AOPEP: variants seen among roughly 807,000 people sequenced by gnomAD.
AOPEP encodes aminopeptidase O.
AOPEP carries 77 observed loss-of-function variants against 98.1 expected under a neutral mutation model. The ratio of observed to expected loss-of-function variants is 0.78; its 90% confidence interval spans 0.65 to 0.95. The LOEUF (loss-of-function observed/expected upper bound fraction) is 0.95, where lower values mean the gene tolerates loss of function less well. AOPEP is among the 40% of genes least tolerant of loss of function. The pLI is 0.00. For missense variants in AOPEP, 1,024 were observed against 1,024.7 expected (o/e 1.00, Z 0.01); for synonymous variants, 346 against 365.3 (o/e 0.95, Z 0.60).
At chr9:94,834,249 G>T (rs900488812) in intron 5 of AOPEP, among the ~76,000 whole-genome samples, 2 of 152,294 alleles carry the variant, frequency 1.3e-5, no homozygotes, top group East Asian at 3.9e-4. Flanking sequence ...GATAAACAAC[G>T]TGGTTTCTTC....
Position 95,086,751 on chromosome 9 carries a change from G to A in AOPEP, c.*74G>A, listed in dbSNP as rs963922204. 2.6e-5 allele frequency: 26 copies of A among 987,930 alleles called. No homozygotes were observed. The highest frequency in any genetic ancestry group is 2.9e-5 in the Non-Finnish European group (24 of 830,214). 61.2% of individuals were successfully genotyped at this position (987,930 alleles called of 1,614,324 possible). The stretch of plus-strand genomic sequence containing the variant: ...GGGGACCAGGCTCGAACTGACCCTG[G>A]ACATCAAAGGAGGGATTATGTGGCT... On this transcript the variant is annotated 3_prime_UTR_variant, in exon 17 of 17. Transcript: ENST00000375315.
chr9:94,947,994 T>A (rs1335840818), intron 7 of AOPEP, among the ~76,000 whole-genome samples: 1 of 152,250 alleles, frequency 6.6e-6, no homozygotes, highest in Non-Finnish European at 1.5e-5. Flanking sequence ...TCCTGCTACA[T>A]GTTGAGTTTA....
chr9:95,113,376 T>A, the AOPEP span, among the ~76,000 whole-genome samples: 1 of 152,064 alleles, frequency 6.6e-6, no homozygotes, highest in African/African-American at 2.4e-5. Flanking sequence ...GCAGGGACAA[T>A]GAATAAAATT....
At chr9:94,920,465 G>C (rs180763089) in intron 5 of AOPEP, 1 of 152,268 alleles carries the variant, frequency 6.6e-6, no homozygotes, top group Non-Finnish European at 1.5e-5. Context: ...CCTGCAGCCT[G>C]CTGGAACCTG....
At chr9:94,901,866 G>A (rs1228149561) in intron 5 of AOPEP, among the ~76,000 whole-genome samples, 3 of 151,932 alleles carry the variant, frequency 2.0e-5, no homozygotes, top group Non-Finnish European at 4.4e-5. Context: ...CTGAGATCGC[G>A]CCACTGCACT....
At chr9:94,981,641 T>C (rs1459635022) in intron 11 of AOPEP, among the ~76,000 whole-genome samples, 2 of 152,174 alleles carry the variant, frequency 1.3e-5, no homozygotes, top group African/African-American at 4.8e-5. Context: ...ACTGAAAGGC[T>C]CTACAAGGAC....
At chr9:95,032,441 C>G (rs1344099959) in intron 13 of AOPEP, among the ~76,000 whole-genome samples, 1 of 152,238 alleles carries the variant, frequency 6.6e-6, no homozygotes, top group African/African-American at 2.4e-5. Flanking sequence ...GTTAAGTAAA[C>G]TCTGCCATTC....
chr9:94,950,947 C>T (rs1247672536), intron 7 of AOPEP, among the ~76,000 whole-genome samples: 5 of 152,120 alleles, frequency 3.3e-5, no homozygotes, highest in Admixed American at 2.6e-4. Flanking sequence ...AGGCCCGATT[C>T]GAAATCAAAT....
At chr9:94,739,084 G>A (rs899417027) in intron 1 of AOPEP, among the ~76,000 whole-genome samples, 1 of 152,124 alleles carries the variant, frequency 6.6e-6, no homozygotes, top group African/African-American at 2.4e-5. Flanking sequence ...TCCATGTCAG[G>A]TTCTAACTGC....
At chr9:95,039,076 A>G (rs1032102343) in intron 13 of AOPEP, among the ~76,000 whole-genome samples, 3 of 152,204 alleles carry the variant, frequency 2.0e-5, no homozygotes, top group Non-Finnish European at 2.9e-5. Context: ...CTGGATGGAC[A>G]GAAGTCAAAT....
In AOPEP at chr9:94,773,178, A is replaced by C; in HGVS notation, c.964+10A>C. 2 of 1,607,630 alleles carry C rather than the reference A, an allele frequency of 1.2e-6. No individual in the cohort carries two copies. Among genetic ancestry groups the C allele is most frequent in the South Asian group, 1.1e-5 (1 of 90,242 alleles). On this transcript the variant is annotated intron_variant, in intron 3 of 16. Coordinates refer to ENST00000375315, the MANE Select transcript of AOPEP (RefSeq NM_001193329.3). ...ACGCAGCTTTGGGAAGGTACTGTAC[A>C]TGTGTTCTTTGCTTATTTATGTATT...
chr9:95,092,803 C>T, the AOPEP span, among the ~76,000 whole-genome samples: 6 of 152,142 alleles, frequency 3.9e-5, no homozygotes, highest in Non-Finnish European at 8.8e-5. Flanking sequence ...AACAGAAGTG[C>T]GTTTCCTGAC....
At chr9:95,140,862 C>T in the AOPEP span, among the ~76,000 whole-genome samples, 7 of 152,246 alleles carry the variant, frequency 4.6e-5, no homozygotes, top group East Asian at 1.2e-3. Flanking sequence ...GAGCAGCTCA[C>T]TTCTCAAAAG....
At chr9:94,895,054 TTGTGTGTGTG>T (rs61413921) in intron 5 of AOPEP, among the ~76,000 whole-genome samples, 15 of 151,342 alleles carry the variant, frequency 9.9e-5, no homozygotes, top group African/African-American at 3.7e-4. Context: ...CTCTGTGTGT[TTGTGTGTGTG>T]TGTATTTGTA....
intron 13 of AOPEP, among the ~76,000 whole-genome samples, chr9:95,033,472 A>G (rs2064504828): frequency 6.6e-6 from 1 of 152,056 alleles, no homozygotes; most frequent in Admixed American, 6.6e-5. Context: ...GCTCATGTGT[A>G]TGTGGTTCTG....
At position 94,759,971 on chromosome 9, in the gene AOPEP, C is replaced by G. The variant is rs751625506; in HGVS notation, c.188C>G (p.Ala63Gly). The change falls in exon 2 of 17, where the codon GCC (alanine) becomes GGC (glycine). Residue 63 changes from alanine (A) to glycine (G), a missense_variant. Physicochemically the swap from Ala to Gly is moderately conservative, Grantham distance 60 (BLOSUM62 0). Transcript: ENST00000375315. ...AAACAGAATAGCTCTATTGAGGAAGCCTGCCAATCAGAATCAAACAAAGCC... is the reference window on the plus strand; with the variant it reads ...AAACAGAATAGCTCTATTGAGGAAGGCTGCCAATCAGAATCAAACAAAGCC... ...FKKQNSSIEE[A>G]CQSESNKACK... 8 of 1,614,188 alleles carry G rather than the reference C, an allele frequency of 5.0e-6. No individual in the cohort carries two copies. The highest frequency in any genetic ancestry group is 2.2e-5 in the East Asian group (1 of 44,880).
At chr9:95,126,492 T>C in the AOPEP span, 58 of 1,594,542 alleles carry the variant, frequency 3.6e-5, no homozygotes, top group Non-Finnish European at 5.0e-5. Context: ...GGAACCTTTT[T>C]TACATCAATT....
intron 1 of AOPEP, among the ~76,000 whole-genome samples, chr9:94,751,586 T>C (rs775816613): frequency 5.3e-5 from 8 of 152,184 alleles, no homozygotes; most frequent in Non-Finnish European, 7.3e-5. Context: ...TTGAGTGATA[T>C]AATCCAGCTT....
chr9:94,884,737 C>T (rs1224814303), intron 5 of AOPEP, among the ~76,000 whole-genome samples: 3 of 151,974 alleles, frequency 2.0e-5, no homozygotes, highest in Non-Finnish European at 4.4e-5. Context: ...ACTGGCCGGG[C>T]GCGGTGGCTC....
Sources: allele counts gnomAD v4.1 joint callset (sites outside exome capture counted in the v4.1 genomes callset), GRCh38; gene constraint gnomAD v4.1.1; transcripts MANE v1.5; gene names NCBI Gene and HGNC (gene_info 2026-07-23, HGNC 2026-07-21).